Variants in WDR93 observed in about 807,000 individuals in gnomAD.
The protein encoded by WDR93 is WD repeat domain 93.
Under a neutral mutation model 82.9 loss-of-function variants are expected in WDR93, and 73 were observed. The ratio of observed to expected loss-of-function variants is 0.88; its 90% CI spans 0.73 to 1.07. WDR93 has a LOEUF of 1.07. WDR93 is among the 50% of genes least tolerant of loss of function. The pLI is 0.00. For missense variants in WDR93, 738 were observed against 826.0 expected (o/e 0.89, Z 1.31); for synonymous variants, 283 against 300.1 (o/e 0.94, Z 0.59).
chr15:89,702,016 GC>G lies in WDR93; in HGVS notation c.273del (p.Thr92ProfsTer62), dbSNP rs1226776110. 1.2e-6 allele frequency: 2 copies of G among 1,612,320 alleles called. No homozygotes were observed. The highest frequency in any genetic ancestry group is 1.7e-6 in the Non-Finnish European group (2 of 1,179,686). The part of the protein sequence containing the change: ...LREAESSQIQ[P>X]TVYPPLGEIQ... ...GGGAAGCTGAGAGCAGCCAGATCCA[GC>G]CCACCGTCTACCCTCCACTTGGAGA... On this transcript the variant is annotated frameshift_variant, in exon 2 of 17. Transcript: ENST00000268130. LOFTEE classifies it high-confidence loss of function.
rs1164144559 is a variant in WDR93, at chr15:89,743,277, T to C, written c.1962-15T>C. 3 of 1,613,864 alleles carry C rather than the reference T, an allele frequency of 1.9e-6. No homozygotes were observed. Among genetic ancestry groups the C allele is most frequent in the South Asian group, 1.1e-5 (1 of 91,072 alleles). On this transcript the variant is annotated splice_polypyrimidine_tract_variant and intron_variant, in intron 16 of 16. Transcript: ENST00000268130. ...TGAGAGGAGATTCCTCTCATCACAG[T>C]TGTGTGGCCCTCAGCTATCGGAAGC...
chr15:89,732,051 C>A (rs1966865465), intron 12 of WDR93, among the ~76,000 whole-genome samples: 1 of 152,200 alleles, frequency 6.6e-6, no homozygotes, highest in Non-Finnish European at 1.5e-5. Flanking sequence ...GGGTGGGTGG[C>A]ACTGTGGTTG....
At chr15:89,700,736 T>C (rs1965419923) in intron 1 of WDR93, among the ~76,000 whole-genome samples, 1 of 151,588 alleles carries the variant, frequency 6.6e-6, no homozygotes, top group African/African-American at 2.4e-5. Flanking sequence ...TTTAAATTTT[T>C]TGTATAGATG....
In WDR93 at chr15:89,733,241, C is replaced by G. The variant is rs377626486; in HGVS notation, c.1544+22C>G. 8.1e-6 allele frequency: 13 copies of G among 1,602,730 alleles called. No homozygotes were observed. The South Asian group carries it at 8.9e-5, about 11-fold the overall frequency. On this transcript the variant is annotated intron_variant, in intron 13 of 16. Transcript: ENST00000268130. ...AGAGGTCAGTAGCTTGAGGGTGGGA[C>G]GGGGTAAATAATTGGCCAGATTATT...
At chr15:89,715,165 T>A in intron 6 of WDR93, 70 bp downstream of exon 6, 2 of 1,367,278 alleles carry the variant, frequency 1.5e-6, no homozygotes, top group Non-Finnish European at 2.0e-6. Context: ...CCCAAGTCCT[T>A]GGAAACTTAT....
intron 1 of WDR93, among the ~76,000 whole-genome samples, chr15:89,697,042 C>T (rs890079963): frequency 6.6e-6 from 1 of 152,044 alleles, no homozygotes; most frequent in African/African-American, 2.4e-5. Context: ...GATCACAGCT[C>T]ACTACAGCCT....
chr15:89,696,886 C>T (rs1430453648), intron 1 of WDR93, among the ~76,000 whole-genome samples: 1 of 152,150 alleles, frequency 6.6e-6, no homozygotes, highest in Non-Finnish European at 1.5e-5. Flanking sequence ...AGTGGCTGTC[C>T]TGTTCAGCAT....
At chr15:89,701,431 G>C (rs887052064) in intron 1 of WDR93, among the ~76,000 whole-genome samples, 1 of 152,174 alleles carries the variant, frequency 6.6e-6, no homozygotes, top group South Asian at 2.1e-4. Flanking sequence ...GGGACAGAAA[G>C]ACATCTGCCC....
chr15:89,736,314 G>A (rs1967167421), intron 14 of WDR93, among the ~76,000 whole-genome samples: 2 of 152,180 alleles, frequency 1.3e-5, no homozygotes, highest in Non-Finnish European at 2.9e-5. Flanking sequence ...GAAAGTCTGT[G>A]ATTCCTGGTG....
chr15:89,710,551 T>G (rs1348340786), intron 4 of WDR93, among the ~76,000 whole-genome samples: 1 of 152,150 alleles, frequency 6.6e-6, no homozygotes. Flanking sequence ...GTTATGCATT[T>G]AATACCTGTG....
chr15:89,727,511 AG>A (rs1966786068), intron 9 of WDR93, among the ~76,000 whole-genome samples, 183 bp downstream of exon 9: 1 of 152,170 alleles, frequency 6.6e-6, no homozygotes, highest in Non-Finnish European at 1.5e-5. Context: ...GGATCATTTG[AG>A]CCCCCAAATC....
At chr15:89,726,483 G>C (rs959309895) in intron 8 of WDR93, among the ~76,000 whole-genome samples, 2 of 152,172 alleles carry the variant, frequency 1.3e-5, no homozygotes, top group Non-Finnish European at 2.9e-5. Flanking sequence ...AGCAGTCAAG[G>C]GCACTGTGGA....
In WDR93 at chr15:89,723,827, G is replaced by A. The variant is rs139860165; in HGVS notation, c.880+1688G>A. 4.2e-4 allele frequency among the ~76,000 whole-genome samples: 64 copies of A among 152,238 alleles called. No homozygotes were observed. In the East Asian group the frequency reaches 0.011, roughly 27 times the overall value. On this transcript the variant is annotated intron_variant, in intron 8 of 16. Transcript: ENST00000268130. Reference sequence around the variant, plus strand: ...TAAAACTTAACCCCTGCCTCATGTCGTACACAAAACTAAATTCCAGATGAA... The same window carrying A: ...TAAAACTTAACCCCTGCCTCATGTCATACACAAAACTAAATTCCAGATGAA...
intron 7 of WDR93, among the ~76,000 whole-genome samples, chr15:89,719,014 G>C (rs1966394889): frequency 6.6e-6 from 1 of 152,178 alleles, no homozygotes; most frequent in African/African-American, 2.4e-5. Flanking sequence ...TTCTACATAA[G>C]TGGCATCATA....
chr15:89,715,045 C>T lies in WDR93; in HGVS notation c.706C>T (p.His236Tyr). 1.2e-6 allele frequency: 2 copies of T among 1,614,094 alleles called. No homozygotes were observed. Among genetic ancestry groups the T allele is most frequent in the Non-Finnish European group, 1.7e-6 (2 of 1,179,974 alleles). ...GGAGACTTGGCTCAAGAAACTAGAG[C>T]ACCCCCAACTCACTTCAAATCCAAA... is the stretch of plus-strand genomic sequence containing the variant. ...PKETWLKKLE[H>Y]PQLTSNPKKK... The change falls in exon 6 of 17, where the codon CAC becomes TAC. Residue 236 changes from histidine to tyrosine, a missense_variant. Physicochemically the swap from His to Tyr is moderately conservative, Grantham distance 83. Coordinates refer to ENST00000268130, the MANE Select transcript of WDR93 (RefSeq NM_020212.2).
upstream of WDR93, chr15:89,690,561 C>G: frequency 6.5e-7 from 1 of 1,548,646 alleles, no homozygotes; most frequent in Non-Finnish European, 8.7e-7. Context: ...GCGGAGGCCG[C>G]TGGCACCTGA....
intron 4 of WDR93, 133 bp downstream of exon 4, chr15:89,705,751 C>G: frequency 1.5e-6 from 1 of 668,232 alleles, no homozygotes; most frequent in Admixed American, 2.8e-5. Context: ...GAGCCTCCTC[C>G]AAAATATCCA....
At chr15:89,737,044 G>A (rs1481700516) in intron 14 of WDR93, among the ~76,000 whole-genome samples, 2 of 152,156 alleles carry the variant, frequency 1.3e-5, no homozygotes, top group Non-Finnish European at 2.9e-5. Flanking sequence ...GCCCACCTTG[G>A]CCTCCCAAAG....
chr15:89,699,543 A>G (rs1010147099), intron 1 of WDR93, among the ~76,000 whole-genome samples: 4 of 152,000 alleles, frequency 2.6e-5, no homozygotes, highest in Non-Finnish European at 2.9e-5. Context: ...TATTTCTACA[A>G]AATTTTTTTC....
Sources: gnomAD v4.1 joint callset for allele counts (sites outside exome capture counted in the v4.1 genomes callset) on GRCh38, gnomAD v4.1.1 for gene constraint, MANE v1.5 for transcripts, NCBI Gene and HGNC (gene_info 2026-07-23, HGNC 2026-07-21) for gene names.